The following MSN variants were observed in gnomAD, a reference collection of about 807,000 sequenced individuals.
The protein encoded by MSN is moesin.
Under a neutral mutation model 48.0 loss-of-function variants are expected in MSN, and 2 were observed. That is an observed-to-expected ratio of 0.04 (90% CI 0.02 to 0.13). MSN has a LOEUF of 0.13. Ranked by LOEUF, MSN falls within the 10% of genes least tolerant of loss-of-function variation. The pLI is 1.00. For missense variants in MSN, 267 were observed against 470.1 expected (o/e 0.57, Z 3.99); for synonymous variants, 146 against 166.9 (o/e 0.87, Z 0.97).
intron 1 of MSN, among the ~76,000 whole-genome samples, chrX:65,630,915 C>T (rs1009274859): frequency 8.2e-5 from 9 of 110,157 alleles, no homozygotes; most frequent in Non-Finnish European, 1.7e-4. Context: ...TACTATAGTC[C>T]CCTGCATTTT....
At chrX:65,697,002 G>A (rs2071249789) in intron 1 of MSN, among the ~76,000 whole-genome samples, 1 of 110,998 alleles carries the variant, frequency 9.0e-6, no homozygotes, top group Admixed American at 9.6e-5. Flanking sequence ...AATGAAGGCT[G>A]TGAGCTAATG....
chrX:65,683,372 A>G (rs966115085), intron 1 of MSN, among the ~76,000 whole-genome samples: 1 of 106,150 alleles, frequency 9.4e-6, no homozygotes, highest in African/African-American at 3.5e-5. Flanking sequence ...CACTCTTGCT[A>G]TTGCTACTGT....
chrX:65,660,528 T>C (rs145482748), intron 1 of MSN, among the ~76,000 whole-genome samples: 2 of 110,739 alleles, frequency 1.8e-5, no homozygotes, highest in Non-Finnish European at 3.8e-5. Context: ...TTATGTTGAA[T>C]AGGAGTGGTG....
At chrX:65,713,147 A>T (rs1157753637) in intron 1 of MSN, among the ~76,000 whole-genome samples, 1 of 112,015 alleles carries the variant, frequency 8.9e-6, no homozygotes, top group Non-Finnish European at 1.9e-5. Context: ...CTGAGTTTTC[A>T]GCCAAAGGAC....
intron 1 of MSN, among the ~76,000 whole-genome samples, chrX:65,708,062 A>G (rs2147491388): frequency 9.2e-6 from 1 of 108,940 alleles, no homozygotes; most frequent in East Asian, 2.9e-4. Context: ...ATTGCCCAGG[A>G]TGATCTCTAG....
chrX:65,739,842 G>C lies in MSN; in HGVS notation c.1683G>C (p.Gln561His). 1 of 1,210,840 alleles carries C rather than the reference G, an allele frequency of 8.3e-7. No homozygotes were observed. Among genetic ancestry groups the C allele is most frequent in the Non-Finnish European group, 1.1e-6 (1 of 895,120 alleles). ...LGRDKYKTLR[Q>H]IRQGNTKQRI... ...GAGACAAATACAAGACCCTGCGCCA[G>C]ATCCGGCAGGGCAACACCAAGCAGC... The change falls in exon 13 of 13, where the codon CAG becomes CAC. Residue 561 changes from glutamine (Q) to histidine (H), a missense_variant. Physicochemically the swap from Gln to His is conservative, Grantham distance 24. Transcript: ENST00000360270.
Position 65,736,986 on chromosome X carries a change from C to A in MSN, c.1090+61C>A, listed in dbSNP as rs749051395. The A allele has an allele frequency of 1.4e-4, 162 of 1,188,359 alleles. No individual in the cohort carries two copies. The East Asian group carries it at 4.5e-3, about 33-fold the overall frequency. ...CCAGGCCTAACTCTGAGCTGGAGAA[C>A]CTTCTGCCTGAGCTGTAGACTCAGA... On this transcript the variant is annotated intron_variant, in intron 9 of 12. Coordinates refer to ENST00000360270, the MANE Select transcript of MSN (RefSeq NM_002444.3).
At chrX:65,600,595 A>T (rs1235431372) in intron 1 of MSN, 1 of 111,944 alleles carries the variant, frequency 8.9e-6, no homozygotes, top group East Asian at 2.8e-4. Context: ...GGCTACAGGA[A>T]TTACCATAAT....
intron 2 of MSN, among the ~76,000 whole-genome samples, chrX:65,725,633 A>T (rs779233046): frequency 8.9e-6 from 1 of 111,737 alleles, no homozygotes; most frequent in Non-Finnish European, 1.9e-5. Context: ...GCAAAAAGCC[A>T]ATATTACATT....
Position 65,731,998 on chromosome X carries a change from C to T in MSN, c.698+14C>T. The T allele has an allele frequency of 8.3e-7, 1 of 1,200,788 alleles. No individual in the cohort carries two copies. The highest frequency in any genetic ancestry group is 1.7e-5 in the African/African-American group (1 of 57,512). On this transcript the variant is annotated intron_variant, in intron 6 of 12. Transcript: ENST00000360270. ...GCAGAATGACAGGTATATCTCAGAT[C>T]TCTTTTAGTTTATTTAGGTCACGTT...
chrX:65,692,075 A>G (rs772936843), intron 1 of MSN, among the ~76,000 whole-genome samples: 62 of 112,231 alleles, frequency 5.5e-4, no homozygotes, highest in Non-Finnish European at 9.2e-4. Flanking sequence ...ATTTCCTTTT[A>G]TTCTCCAAAC....
chrX:65,732,419 T>C (rs2071631579), intron 6 of MSN, among the ~76,000 whole-genome samples: 1 of 112,811 alleles, frequency 8.9e-6, no homozygotes, highest in African/African-American at 3.2e-5. Context: ...TTTTTACTTA[T>C]TTTCATGTGG....
intron 1 of MSN, among the ~76,000 whole-genome samples, chrX:65,681,962 C>T (rs1370046420): frequency 9.0e-6 from 1 of 111,434 alleles, no homozygotes; most frequent in African/African-American, 3.3e-5. Context: ...GTACCATCTC[C>T]TCACTCATTT....
At chrX:65,699,759 A>G (rs944677517) in intron 1 of MSN, among the ~76,000 whole-genome samples, 60 of 108,543 alleles carry the variant, frequency 5.5e-4, no homozygotes, top group African/African-American at 2.0e-3. Context: ...AAAAAAAAAA[A>G]AAAAAAAAAA....
At chrX:65,654,275 TTTTA>T (rs892479441) in intron 1 of MSN, among the ~76,000 whole-genome samples, 2 of 108,007 alleles carry the variant, frequency 1.9e-5, no homozygotes, top group African/African-American at 6.8e-5. Context: ...TCAGCTAATT[TTTTA>T]TTTATTTTTT....
At chrX:65,604,161 G>C (rs1602710955) in intron 1 of MSN, among the ~76,000 whole-genome samples, 1 of 112,220 alleles carries the variant, frequency 8.9e-6, no homozygotes, top group East Asian at 2.8e-4. Context: ...GCAGAGCCAG[G>C]ATATAAGCCA....
chrX:65,659,449 C>T (rs1055950189), intron 1 of MSN, among the ~76,000 whole-genome samples: 9 of 112,313 alleles, frequency 8.0e-5, no homozygotes, highest in African/African-American at 2.9e-4. Context: ...CCATCACTCC[C>T]GGCATCACAT....
intron 1 of MSN, among the ~76,000 whole-genome samples, chrX:65,655,066 C>T (rs755908282): frequency 4.5e-5 from 5 of 110,851 alleles, no homozygotes; most frequent in Non-Finnish European, 7.6e-5. Flanking sequence ...TGTCTGTATA[C>T]ACAGAGCCTA....
intron 1 of MSN, among the ~76,000 whole-genome samples, chrX:65,700,638 CCAGA>C (rs1305136119): frequency 8.9e-6 from 1 of 111,865 alleles, no homozygotes. Flanking sequence ...TTATAGCTAG[CCAGA>C]CAGACTTGGC....
Sources: allele counts gnomAD v4.1 joint callset (sites outside exome capture counted in the v4.1 genomes callset), GRCh38; gene constraint gnomAD v4.1.1; transcripts MANE v1.5; gene names NCBI Gene and HGNC (gene_info 2026-07-23, HGNC 2026-07-21).